Variants in PRTG observed in about 807,000 individuals in gnomAD.
PRTG encodes the protein immunoglobulin superfamily, DCC subclass, member 5.
In PRTG, 67 loss-of-function variants were observed where a neutral mutation model predicts 122.5. The ratio of observed to expected loss-of-function variants is 0.55; its 90% CI spans 0.45 to 0.67. The LOEUF (loss-of-function observed/expected upper bound fraction) is 0.67. Ranked by LOEUF, PRTG falls within the 30% of genes least tolerant of loss-of-function variation. PRTG has a pLI of 0.00. For synonymous variants in PRTG, 554 were observed against 501.1 expected (o/e 1.11, Z -1.41); for missense variants, 1,435 against 1,415.4 (o/e 1.01, Z -0.22).
At chr15:55,661,766 T>C (rs113659285) in intron 11 of PRTG, among the ~76,000 whole-genome samples, 13 of 152,226 alleles carry the variant, frequency 8.5e-5, no homozygotes, top group Admixed American at 3.3e-4. Context: ...CCCACCACCA[T>C]TGTCTGCTAG....
At chr15:55,739,363 T>C (rs181118311) in intron 2 of PRTG, among the ~76,000 whole-genome samples, 12 of 151,600 alleles carry the variant, frequency 7.9e-5, no homozygotes, top group Non-Finnish European at 1.6e-4. Context: ...GCCTCCTCAA[T>C]AGCTGGGATT....
At chr15:55,622,455 C>T (rs1274573797) in intron 18 of PRTG, among the ~76,000 whole-genome samples, 3 of 150,990 alleles carry the variant, frequency 2.0e-5, no homozygotes, top group African/African-American at 4.9e-5. Context: ...GCAATCTCAG[C>T]TCACTGCAAG....
chr15:55,671,823 A>G (rs2059473690), intron 11 of PRTG, among the ~76,000 whole-genome samples: 1 of 152,196 alleles, frequency 6.6e-6, no homozygotes, highest in South Asian at 2.1e-4. Flanking sequence ...TTGGATATAC[A>G]TTACTTTCTA....
chr15:55,640,802 G>A (rs2059285472), intron 12 of PRTG, among the ~76,000 whole-genome samples: 1 of 151,530 alleles, frequency 6.6e-6, no homozygotes, highest in Admixed American at 6.6e-5. Flanking sequence ...TTGAGGTCAG[G>A]AGTTCGAGAA....
intron 16 of PRTG, among the ~76,000 whole-genome samples, chr15:55,628,393 A>G (rs2141717772): frequency 6.6e-6 from 1 of 152,212 alleles, no homozygotes; most frequent in South Asian, 2.1e-4. Context: ...AGGGAAAAAA[A>G]AAAAAAAAAC....
chr15:55,626,916 T>C, intron 17 of PRTG, 92 bp downstream of exon 17: 2 of 1,151,682 alleles, frequency 1.7e-6, no homozygotes, highest in African/African-American at 1.6e-5. Context: ...AAATCCCAGT[T>C]ACTCTAAAAG....
At position 55,678,356 on chromosome 15, in the gene PRTG, C is replaced by T. The variant is rs574653983; in HGVS notation, c.1134-312G>A. Among the ~76,000 whole-genome samples the T allele has an allele frequency of 2.6e-5, 4 of 152,240 alleles. No homozygotes were observed. The South Asian group carries it at 8.3e-4, about 32-fold the overall frequency. On this transcript the variant is annotated intron_variant, in intron 7 of 19. Transcript: ENST00000389286. Reference sequence around the variant, plus strand: ...TCCTGGGCTCAAATAATCCTCTCGCCCTCTTGCCTCATCCTCCTGAGTAGC... The same window carrying T: ...TCCTGGGCTCAAATAATCCTCTCGCTCTCTTGCCTCATCCTCCTGAGTAGC...
At chr15:55,666,349 C>G (rs562252747) in intron 11 of PRTG, among the ~76,000 whole-genome samples, 1 of 152,330 alleles carries the variant, frequency 6.6e-6, no homozygotes, top group Non-Finnish European at 1.5e-5. Context: ...TTCATAGGCT[C>G]TATCTCCAAA....
chr15:55,650,335 G>A lies in PRTG; in HGVS notation c.2042-9127C>T, dbSNP rs534870251. On this transcript the variant is annotated intron_variant, in intron 11 of 19. Coordinates refer to ENST00000389286, the MANE Select transcript of PRTG (RefSeq NM_173814.6). ...TCTAAGGGCATTCACAAGAGAGAAC[G>A]ATTACCACTTACTTGGAGAGTGGGC... 3.9e-5 allele frequency among the ~76,000 whole-genome samples: 6 copies of A among 152,298 alleles called. No individual in the cohort carries two copies. In the East Asian group the frequency reaches 9.6e-4, roughly 24 times the overall value.
rs2059126814 is a variant in PRTG at position 55,612,837 on chromosome 15, CAT to C, written c.*7173_*7174del. The C allele has an allele frequency of 6.6e-6, 1 of 150,714 alleles. No individual in the cohort carries two copies. The allele number at this position is 150,714 out of a possible 1,614,324, so 9.3% of individuals were successfully genotyped here. ...TTCTCTTATGATTTTATCCACCTAA[CAT>C]ATGAGTGTTTCCATTTCAGCTATAT... On this transcript the variant is annotated 3_prime_UTR_variant, in exon 20 of 20. Coordinates refer to ENST00000389286, the MANE Select transcript of PRTG (RefSeq NM_173814.6).
chr15:55,740,014 T>C (rs2031558004), intron 2 of PRTG, among the ~76,000 whole-genome samples: 1 of 152,238 alleles, frequency 6.6e-6, no homozygotes, highest in South Asian at 2.1e-4. Context: ...AATTTGCTTG[T>C]GATTGTTTTC....
In PRTG at chr15:55,615,177, G is replaced by A. The variant is rs2059136565; in HGVS notation, c.*4835C>T. The A allele has an allele frequency of 6.6e-6, 1 of 152,036 alleles. No homozygotes were observed. The highest frequency in any genetic ancestry group is 2.4e-5 in the African/African-American group (1 of 41,412). 9.4% of individuals were successfully genotyped at this position (152,036 alleles called of 1,614,324 possible). A position where few individuals can be genotyped will look rare whatever the true frequency, so the allele number is the denominator to read the frequency against. On this transcript the variant is annotated 3_prime_UTR_variant, in exon 20 of 20. Coordinates refer to ENST00000389286, the MANE Select transcript of PRTG (RefSeq NM_173814.6). ...TTCCCAGCCTTAAAAAACTAGAAAA[G>A]GAAATAGATTTTTCCCTAAAGCCTC... is the stretch of plus-strand genomic sequence containing the variant.
intron 2 of PRTG, among the ~76,000 whole-genome samples, chr15:55,717,063 T>G (rs867277282): frequency 3.3e-5 from 5 of 152,316 alleles, no homozygotes; most frequent in Middle Eastern, 6.8e-3. Context: ...TTACATGACA[T>G]AGCTGACTAA....
Position 55,743,050 on chromosome 15 carries a change from G to T in PRTG, c.-119C>A. ...GCACGCAGCCTGGCTCCCCGCTCCG[G>T]CTCCGGCACCGGCGTGGCGAGCGTC... On this transcript the variant is annotated 5_prime_UTR_variant, in exon 1 of 20. Transcript: ENST00000389286. 1 of 1,308,292 alleles carries T rather than the reference G, an allele frequency of 7.6e-7. No individual in the cohort carries two copies. The allele number at this position is 1,308,292 out of a possible 1,614,324, so 81.0% of individuals were successfully genotyped here. A position where few individuals can be genotyped will look rare whatever the true frequency, so the allele number is the denominator to read the frequency against.
chr15:55,723,936 A>AG (rs1486784875), intron 2 of PRTG, among the ~76,000 whole-genome samples: 1 of 151,986 alleles, frequency 6.6e-6, no homozygotes, highest in East Asian at 1.9e-4. Flanking sequence ...TATTTTTAGT[A>AG]GAGGTGGGGT....
intron 3 of PRTG, among the ~76,000 whole-genome samples, chr15:55,683,454 T>G (rs1479925971): frequency 1.3e-5 from 2 of 152,146 alleles, no homozygotes; most frequent in Admixed American, 1.3e-4. Context: ...GAAAGACCCT[T>G]ACACCAACAC....
At chr15:55,721,397 T>C (rs2030817184) in intron 2 of PRTG, among the ~76,000 whole-genome samples, 1 of 152,226 alleles carries the variant, frequency 6.6e-6, no homozygotes, top group African/African-American at 2.4e-5. Context: ...GTTAACATGG[T>C]ACATAGTGTA....
chr15:55,624,476 C>T lies in PRTG; in HGVS notation c.2959G>A (p.Gly987Arg), dbSNP rs773895755. Residue 987 changes from glycine to arginine, a missense_variant, in exon 18 of 20, where the codon GGA (glycine) becomes AGA (arginine). Transcript: ENST00000389286. ...KSSASKTAQN[G>R]TQQLPRTSAS... ...CTGGTACGAGGTAACTGTTGAGTTC[C>T]ATTCTGTGCCGTCTTGGAAGCAGAT... 6.2e-7 allele frequency: 1 copy of T among 1,613,460 alleles called. No homozygotes were observed. The highest frequency in any genetic ancestry group is 8.5e-7 in the Non-Finnish European group (1 of 1,179,728).
At chr15:55,725,229 A>T (rs1264942277) in intron 2 of PRTG, among the ~76,000 whole-genome samples, 1 of 152,230 alleles carries the variant, frequency 6.6e-6, no homozygotes, top group Non-Finnish European at 1.5e-5. Context: ...GATTGTTACA[A>T]ATTGAGGATG....
Sources: gnomAD v4.1 joint callset for allele counts (sites outside exome capture counted in the v4.1 genomes callset) on GRCh38, gnomAD v4.1.1 for gene constraint, MANE v1.5 for transcripts, NCBI Gene and HGNC (gene_info 2026-07-23, HGNC 2026-07-21) for gene names.